Variants in FSTL4 observed in about 807,000 individuals in gnomAD.
FSTL4 encodes the protein follistatin like 4.
Under a neutral mutation model 78.2 loss-of-function variants are expected in FSTL4, and 28 were observed. That is an observed-to-expected ratio of 0.36 (90% CI 0.27 to 0.49). The LOEUF is 0.49. FSTL4 is among the 20% of genes least tolerant of loss of function. FSTL4 has a pLI of 0.98. For missense variants in FSTL4, 922 were observed against 1,084.9 expected (o/e 0.85, Z 2.11); for synonymous variants, 422 against 440.5 (o/e 0.96, Z 0.53).
At chr5:133,838,457 T>A in the FSTL4 span, among the ~76,000 whole-genome samples, 1 of 152,216 alleles carries the variant, frequency 6.6e-6, no homozygotes, top group Admixed American at 6.5e-5. Context: ...AGTCAGATGC[T>A]GGCTGAGCTG....
At chr5:133,633,035 C>T in the FSTL4 span, among the ~76,000 whole-genome samples, 2 of 151,968 alleles carry the variant, frequency 1.3e-5, no homozygotes, top group African/African-American at 2.4e-5. Context: ...ATTATTTTTG[C>T]CATATAGATA....
chr5:133,817,284 T>C, the FSTL4 span, among the ~76,000 whole-genome samples: 54 of 152,354 alleles, frequency 3.5e-4, no homozygotes, highest in Middle Eastern at 6.8e-3. Context: ...AAACCTTGTC[T>C]TGTCTGACTC....
chr5:133,666,142 A>T, the FSTL4 span, among the ~76,000 whole-genome samples: 1 of 152,142 alleles, frequency 6.6e-6, no homozygotes, highest in East Asian at 1.9e-4. Flanking sequence ...GCAGAATCTC[A>T]TCTGCACACG....
intron 3 of FSTL4, among the ~76,000 whole-genome samples, chr5:133,559,131 C>T (rs566660754): frequency 5.9e-5 from 9 of 152,320 alleles, no homozygotes; most frequent in African/African-American, 1.9e-4. Context: ...TCCTGTACTT[C>T]GTTTCCTAAT....
At chr5:133,297,129 T>C (rs1050686785) in intron 6 of FSTL4, among the ~76,000 whole-genome samples, 12 of 152,222 alleles carry the variant, frequency 7.9e-5, no homozygotes, top group African/African-American at 2.9e-4. Context: ...ATTTTTCATG[T>C]CAAATAGTGT....
chr5:133,330,305 A>G (rs943217798), intron 4 of FSTL4, among the ~76,000 whole-genome samples: 15 of 152,240 alleles, frequency 9.9e-5, no homozygotes, highest in Admixed American at 2.0e-4. Flanking sequence ...GAATTGGCTC[A>G]CAGTTCTGCA....
At chr5:133,524,481 C>T (rs772732658) in intron 3 of FSTL4, among the ~76,000 whole-genome samples, 21 of 152,120 alleles carry the variant, frequency 1.4e-4, no homozygotes, top group Non-Finnish European at 2.9e-4. Flanking sequence ...GGAATACACA[C>T]CATTTGCCCG....
chr5:133,380,543 C>G (rs1486388282), intron 4 of FSTL4, among the ~76,000 whole-genome samples: 3 of 151,742 alleles, frequency 2.0e-5, no homozygotes, highest in African/African-American at 7.3e-5. Flanking sequence ...AAATTTCACA[C>G]AAAGAAAAGC....
the FSTL4 span, among the ~76,000 whole-genome samples, chr5:133,680,200 A>C: frequency 6.6e-6 from 1 of 152,148 alleles, no homozygotes; most frequent in East Asian, 1.9e-4. Context: ...TCATACTTTC[A>C]TTCATTTGCT....
At chr5:133,755,298 A>C in the FSTL4 span, among the ~76,000 whole-genome samples, 4 of 152,180 alleles carry the variant, frequency 2.6e-5, no homozygotes, top group Admixed American at 2.0e-4. Context: ...ACTCTGTCCC[A>C]GTTGCCTGGA....
chr5:133,355,802 C>G (rs1387984630), intron 4 of FSTL4, among the ~76,000 whole-genome samples: 1 of 152,198 alleles, frequency 6.6e-6, no homozygotes, highest in Non-Finnish European at 1.5e-5. Context: ...ATTTCAGACT[C>G]AGAATTCTGT....
intron 3 of FSTL4, among the ~76,000 whole-genome samples, chr5:133,556,417 G>C (rs768929023): frequency 1.3e-5 from 2 of 152,108 alleles, no homozygotes; most frequent in African/African-American, 2.4e-5. Flanking sequence ...GGACACATAG[G>C]AAATTACTTA....
intron 6 of FSTL4, among the ~76,000 whole-genome samples, chr5:133,298,558 GT>G (rs1561661707): frequency 6.6e-6 from 1 of 152,250 alleles, no homozygotes. Context: ...ATATTCACCT[GT>G]TGTGTTGCTT....
intron 4 of FSTL4, among the ~76,000 whole-genome samples, chr5:133,339,206 C>G (rs1337218226): frequency 1.3e-5 from 2 of 152,194 alleles, no homozygotes; most frequent in Non-Finnish European, 2.9e-5. Context: ...CTCTTCAGAT[C>G]GGTGGGGCTG....
the FSTL4 span, among the ~76,000 whole-genome samples, chr5:133,742,622 G>A: frequency 1.8e-3 from 279 of 152,156 alleles, 1 homozygote; most frequent in Middle Eastern, 0.01. Flanking sequence ...CTCAGCTCTC[G>A]GAGGGCTGAC....
intron 3 of FSTL4, among the ~76,000 whole-genome samples, chr5:133,447,600 C>T (rs1256082495): frequency 3.9e-5 from 6 of 152,028 alleles, no homozygotes; most frequent in African/African-American, 7.2e-5. Flanking sequence ...AATGCAGTGG[C>T]GCAATCTCAG....
At chr5:133,507,781 A>G (rs919915839) in intron 3 of FSTL4, among the ~76,000 whole-genome samples, 5 of 152,060 alleles carry the variant, frequency 3.3e-5, no homozygotes, top group African/African-American at 2.4e-5. Flanking sequence ...TCGGCCTCCT[A>G]AAGTGCTGGG....
intron 4 of FSTL4, among the ~76,000 whole-genome samples, chr5:133,355,437 C>T (rs967432454): frequency 6.6e-6 from 1 of 152,188 alleles, no homozygotes; most frequent in Non-Finnish European, 1.5e-5. Context: ...GCGGGTGGAT[C>T]ATGAGGTCAA....
At chr5:133,242,678 G>A (rs902545498) in intron 7 of FSTL4, among the ~76,000 whole-genome samples, 1 of 152,138 alleles carries the variant, frequency 6.6e-6, no homozygotes, top group Admixed American at 6.5e-5. Flanking sequence ...CCCATATCTT[G>A]GAGATCTCTG....
Sources: allele counts gnomAD v4.1 joint callset (sites outside exome capture counted in the v4.1 genomes callset), GRCh38; gene constraint gnomAD v4.1.1; transcripts MANE v1.5; gene names NCBI Gene and HGNC (gene_info 2026-07-23, HGNC 2026-07-21).